The following EXOC4 variants were observed in gnomAD, a reference collection of about 807,000 sequenced individuals.
The protein encoded by EXOC4 is SEC8-like 1.
In EXOC4, 71 loss-of-function variants were observed where a neutral mutation model predicts 107.2. The observed-to-expected ratio is 0.66, with a 90% CI of 0.55 to 0.81. The LOEUF (loss-of-function observed/expected upper bound fraction) is 0.81, where lower values mean the gene tolerates loss of function less well. Ranked by LOEUF, EXOC4 falls within the 30% of genes least tolerant of loss-of-function variation. The pLI is 0.00. For missense variants in EXOC4, 1,108 were observed against 1,189.6 expected (o/e 0.93, Z 1.01); for synonymous variants, 456 against 441.2 (o/e 1.03, Z -0.42).
chr7:134,023,550 C>T (rs1037897925), intron 17 of EXOC4, among the ~76,000 whole-genome samples: 4 of 152,050 alleles, frequency 2.6e-5, no homozygotes, highest in Admixed American at 1.3e-4. Context: ...AGTATGTTTA[C>T]GAATTAACTT....
At chr7:133,950,359 GA>G (rs960281653) in intron 14 of EXOC4, among the ~76,000 whole-genome samples, 1 of 152,102 alleles carries the variant, frequency 6.6e-6, no homozygotes, top group Admixed American at 6.5e-5. Flanking sequence ...TTTTAAGCCT[GA>G]AAAAATTCTA....
chr7:133,856,290 T>C (rs75297411), intron 11 of EXOC4, among the ~76,000 whole-genome samples: 2,347 of 152,326 alleles, frequency 0.015, 59 homozygotes, highest in African/African-American at 0.053. Flanking sequence ...TACATAGATT[T>C]AGGTTATTGG....
At chr7:133,369,927 CCCG>C (rs1796333503) in intron 6 of EXOC4, among the ~76,000 whole-genome samples, 1 of 151,424 alleles carries the variant, frequency 6.6e-6, no homozygotes, top group Admixed American at 6.6e-5. Context: ...GCCTCAGCCT[CCCG>C]AGTAGCTGGG....
At chr7:133,983,730 A>G (rs1260148030) in intron 14 of EXOC4, among the ~76,000 whole-genome samples, 5 of 151,916 alleles carry the variant, frequency 3.3e-5, no homozygotes, top group African/African-American at 1.2e-4. Context: ...ATCCAAAAAT[A>G]CCTTGTTAAG....
intron 14 of EXOC4, among the ~76,000 whole-genome samples, chr7:133,992,225 T>G (rs767642830): frequency 6.6e-6 from 1 of 152,178 alleles, no homozygotes; most frequent in Non-Finnish European, 1.5e-5. Context: ...TTTTTTTTCT[T>G]GATTTCTTTG....
At chr7:133,939,016 C>T (rs1004530204) in intron 14 of EXOC4, among the ~76,000 whole-genome samples, 11 of 152,144 alleles carry the variant, frequency 7.2e-5, no homozygotes, top group African/African-American at 2.7e-4. Flanking sequence ...TCCCAAAGTG[C>T]TGGGATTACA....
chr7:134,064,182 A>T, intron 17 of EXOC4, 109 bp from the exon 18 acceptor site: 1 of 644,848 alleles, frequency 1.6e-6, no homozygotes, highest in South Asian at 4.0e-5. Flanking sequence ...CTGCTGATCA[A>T]TCGTTATGAA....
At chr7:133,349,536 A>C (rs1411517048) in intron 5 of EXOC4, among the ~76,000 whole-genome samples, 1 of 152,110 alleles carries the variant, frequency 6.6e-6, no homozygotes, top group Non-Finnish European at 1.5e-5. Flanking sequence ...TGTATATATC[A>C]CATTTTGCTT....
intron 7 of EXOC4, among the ~76,000 whole-genome samples, chr7:133,457,535 T>A (rs1371398331): frequency 1.3e-5 from 2 of 152,118 alleles, no homozygotes; most frequent in Non-Finnish European, 2.9e-5. Context: ...ATTTTCTCAA[T>A]TAGGTTGCGT....
rs980895552 is a variant in EXOC4, at chr7:133,807,086, G to A, written c.1515-10239G>A. Among the ~76,000 whole-genome samples, 11 of 152,274 alleles carry A rather than the reference G, an allele frequency of 7.2e-5. No individual in the cohort carries two copies. In the East Asian group the frequency reaches 1.2e-3, roughly 16 times the overall value. On this transcript the variant is annotated intron_variant, in intron 10 of 17. Transcript: ENST00000253861. ...GTGAAATCGGAAGATATGGTGGGCC[G>A]ACTTTTCATATACGCAGGTTCTGCA...
At chr7:133,676,670 C>A (rs1047735038) in intron 10 of EXOC4, among the ~76,000 whole-genome samples, 1 of 152,054 alleles carries the variant, frequency 6.6e-6, no homozygotes, top group African/African-American at 2.4e-5. Context: ...CCACCCTATC[C>A]TTTTTTCCCC....
chr7:133,931,498 A>T (rs1336462637), intron 13 of EXOC4, among the ~76,000 whole-genome samples: 1 of 152,222 alleles, frequency 6.6e-6, no homozygotes, highest in Admixed American at 6.5e-5. Flanking sequence ...TTAACTATTT[A>T]AAATATAGAA....
intron 9 of EXOC4, among the ~76,000 whole-genome samples, chr7:133,537,676 T>G (rs1025769251): frequency 6.6e-6 from 1 of 152,226 alleles, no homozygotes; most frequent in East Asian, 1.9e-4. Flanking sequence ...CAGAATGCCA[T>G]ATTGGATTTT....
At chr7:133,527,359 G>A (rs1047082017) in intron 9 of EXOC4, among the ~76,000 whole-genome samples, 2 of 152,200 alleles carry the variant, frequency 1.3e-5, no homozygotes, top group Admixed American at 6.5e-5. Context: ...AGCTGAGATT[G>A]CGCCCCTGCA....
At chr7:134,017,232 G>A (rs1478143544) in intron 17 of EXOC4, among the ~76,000 whole-genome samples, 1 of 150,708 alleles carries the variant, frequency 6.6e-6, no homozygotes, top group Non-Finnish European at 1.5e-5. Context: ...GTGTAGATTT[G>A]GGATTAATTT....
chr7:133,286,525 G>T (rs548821749), intron 2 of EXOC4, among the ~76,000 whole-genome samples: 1 of 152,288 alleles, frequency 6.6e-6, no homozygotes, highest in East Asian at 1.9e-4. Context: ...CCATTTGTGT[G>T]TAAGAGGCAG....
At chr7:133,562,776 A>G (rs530547953) in intron 9 of EXOC4, among the ~76,000 whole-genome samples, 44 of 152,342 alleles carry the variant, frequency 2.9e-4, no homozygotes, top group African/African-American at 1.0e-3. Flanking sequence ...CTTACAAAAT[A>G]TAAAATAAAA....
intron 7 of EXOC4, among the ~76,000 whole-genome samples, chr7:133,384,302 G>A (rs1439230212): frequency 6.6e-6 from 1 of 152,178 alleles, no homozygotes; most frequent in Non-Finnish European, 1.5e-5. Flanking sequence ...CCTAGGATGG[G>A]CCTGCTCGGG....
At chr7:133,262,615 A>G (rs565495911) in intron 1 of EXOC4, among the ~76,000 whole-genome samples, 6 of 152,312 alleles carry the variant, frequency 3.9e-5, no homozygotes, top group Non-Finnish European at 8.8e-5. Context: ...TGTGCTGAAT[A>G]TTATGGGAGA....
Sources: allele counts gnomAD v4.1 joint callset (sites outside exome capture counted in the v4.1 genomes callset), GRCh38; gene constraint gnomAD v4.1.1; transcripts MANE v1.5; gene names NCBI Gene and HGNC (gene_info 2026-07-23, HGNC 2026-07-21).